The following KIF22 variants were observed in gnomAD, a reference collection of about 807,000 sequenced individuals.
The protein encoded by KIF22 is kinesin-like protein KIF22.
KIF22 carries 62 observed loss-of-function variants against 73.0 expected under a neutral mutation model. The observed-to-expected ratio is 0.85, with a 90% confidence interval of 0.69 to 1.05. KIF22 has a LOEUF of 1.05. Ranked by LOEUF, KIF22 falls within the 50% of genes least tolerant of loss-of-function variation. The pLI is 0.00. For synonymous variants in KIF22, 411 were observed against 340.1 expected (o/e 1.21, Z -2.29); for missense variants, 854 against 870.1 (o/e 0.98, Z 0.23).
At chr16:29,804,749 T>G (rs1899292733) in intron 11 of KIF22, 65 bp from the exon 12 acceptor site, 1 of 1,319,342 alleles carries the variant, frequency 7.6e-7, no homozygotes, top group Non-Finnish European at 1.1e-6. Context: ...GGGCTCCTAG[T>G]CTTGGCAGAG....
intron 1 of KIF22, chr16:29,792,455 AT>A: frequency 1.0e-6 from 1 of 972,176 alleles, no homozygotes; most frequent in Non-Finnish European, 1.2e-6. Context: ...CTAAATCTTA[AT>A]TTTTTTCAGC....
At chr16:29,792,796 G>C (rs1898851968) in intron 1 of KIF22, among the ~76,000 whole-genome samples, 1 of 152,196 alleles carries the variant, frequency 6.6e-6, no homozygotes, top group Admixed American at 6.5e-5. Context: ...AGAGAACTTG[G>C]AGTTTTGTAG....
At chr16:29,791,450 A>C in intron 1 of KIF22, 1 of 159,078 alleles carries the variant, frequency 6.3e-6, no homozygotes, top group Non-Finnish European at 1.3e-5. Flanking sequence ...TAGGACACCC[A>C]AAATCTTGTA....
In KIF22 at chr16:29,798,335, C is replaced by T; in HGVS notation, c.267-39C>T. The T allele has an allele frequency of 6.4e-7, 1 of 1,572,782 alleles. No homozygotes were observed. On this transcript the variant is annotated intron_variant, in intron 2 of 13. Coordinates refer to ENST00000160827, the MANE Select transcript of KIF22 (RefSeq NM_007317.3). The surrounding 1 kb of genome is among the most constrained non-coding windows in gnomAD (Gnocchi z 4.1). ...CCTTACACACACACACACACACACA[C>T]ACACACACACACGCTAATTTCTTTC...
rs781629576 is a variant in KIF22, at chr16:29,805,255, T to C, written c.1951-8T>C. 3.7e-6 allele frequency: 6 copies of C among 1,614,002 alleles called. No individual in the cohort carries two copies. The highest frequency in any genetic ancestry group is 1.7e-5 in the Admixed American group (1 of 60,002). ...AACGTCGCTGTCTCCCTCCCTCCTG[T>C]GTTGCAGGCAAACATCCTGGGTCTC... On this transcript the variant is annotated splice_polypyrimidine_tract_variant and splice_region_variant and intron_variant, in intron 13 of 13. Coordinates refer to ENST00000160827, the MANE Select transcript of KIF22 (RefSeq NM_007317.3).
chr16:29,793,800 C>T lies in KIF22; in HGVS notation c.70+2971C>T, dbSNP rs904253166. Among the ~76,000 whole-genome samples, 6 of 152,028 alleles carry T rather than the reference C, an allele frequency of 3.9e-5. No homozygotes were observed. In the East Asian group the frequency reaches 5.8e-4, roughly 15 times the overall value. ...AATGCTGGTCTAGAGAAAGGATAGA[C>T]GGATCCTAGGATGAGGAGTGAACAG... On this transcript the variant is annotated intron_variant, in intron 1 of 13. Coordinates refer to ENST00000160827, the MANE Select transcript of KIF22 (RefSeq NM_007317.3).
At chr16:29,804,253 A>G in intron 11 of KIF22, 188 bp downstream of exon 11, 1 of 632,714 alleles carries the variant, frequency 1.6e-6, no homozygotes, top group South Asian at 1.8e-5. Flanking sequence ...TTAGGGTGGA[A>G]GGCAGTGATG....
chr16:29,799,610 G>A lies in KIF22; in HGVS notation c.991-18G>A. On this transcript the variant is annotated intron_variant, in intron 6 of 13. Coordinates refer to ENST00000160827, the MANE Select transcript of KIF22 (RefSeq NM_007317.3). ...AGGCTGGGCTTCTGACCCACCCACT[G>A]CCTGGTCTCACCCTCAGGACTCTCT... 3 of 1,613,876 alleles carry A rather than the reference G, an allele frequency of 1.9e-6. No individual in the cohort carries two copies. The highest frequency in any genetic ancestry group is 2.5e-6 in the Non-Finnish European group (3 of 1,179,862).
At chr16:29,794,373 C>G (rs918629244) in intron 1 of KIF22, among the ~76,000 whole-genome samples, 1 of 152,188 alleles carries the variant, frequency 6.6e-6, no homozygotes, top group African/African-American at 2.4e-5. Context: ...CTTAATTACT[C>G]TCCTAACAAC....
intron 1 of KIF22, among the ~76,000 whole-genome samples, chr16:29,794,066 A>G (rs1342256943): frequency 1.3e-5 from 2 of 152,206 alleles, no homozygotes; most frequent in Non-Finnish European, 2.9e-5. Context: ...AGGACTGAGC[A>G]GTTGCTGCCA....
chr16:29,800,906 AC>A (rs1899115949), intron 8 of KIF22, among the ~76,000 whole-genome samples: 1 of 151,876 alleles, frequency 6.6e-6, no homozygotes, highest in Non-Finnish European at 1.5e-5. Flanking sequence ...CCATTTTCCA[AC>A]CCCTTTAGCC....
chr16:29,791,624 C>T (rs953564749), intron 1 of KIF22, among the ~76,000 whole-genome samples: 1 of 152,206 alleles, frequency 6.6e-6, no homozygotes, highest in African/African-American at 2.4e-5. Flanking sequence ...ATGTGCCAGG[C>T]ACAGTTGTAG....
At chr16:29,803,318 G>T in intron 9 of KIF22, 131 bp from the exon 10 acceptor site, 1 of 1,065,214 alleles carries the variant, frequency 9.4e-7, no homozygotes, top group East Asian at 2.5e-5. Flanking sequence ...CCTGTCTCCT[G>T]GTAACCTCCC....
chr16:29,803,414 G>T (rs377452444), intron 9 of KIF22, 35 bp from the exon 10 acceptor site: 901 of 1,610,766 alleles, frequency 5.6e-4, no homozygotes, highest in Non-Finnish European at 6.9e-4. Context: ...CCTGGAGTTG[G>T]GTCTGGATCA....
chr16:29,797,575 G>C lies in KIF22; in HGVS notation c.266+487G>C, dbSNP rs577653570. Among the ~76,000 whole-genome samples, 2 of 152,256 alleles carry C rather than the reference G, an allele frequency of 1.3e-5. No homozygotes were observed. The highest frequency in any genetic ancestry group is 4.8e-5 in the African/African-American group (2 of 41,524). ...AAACCATGGCCTGCAGGTCAAATCT[G>C]ATCAGGAGTAAGATTTTCAGTAAAT... On this transcript the variant is annotated intron_variant, in intron 2 of 13. Coordinates refer to ENST00000160827, the MANE Select transcript of KIF22 (RefSeq NM_007317.3). This position sits in a 1 kb window ranked among gnomAD's most constrained non-coding sequence, Gnocchi z 4.1.
intron 1 of KIF22, among the ~76,000 whole-genome samples, chr16:29,793,331 T>C (rs1898865587): frequency 6.6e-6 from 1 of 152,208 alleles, no homozygotes; most frequent in South Asian, 2.1e-4. Flanking sequence ...TCCCAGCTAT[T>C]CGGGAGGCTG....
chr16:29,790,932 C>T lies in KIF22; in HGVS notation c.70+103C>T, dbSNP rs1898796044. The T allele has an allele frequency of 2.6e-6, 4 of 1,516,108 alleles. No individual in the cohort carries two copies. The East Asian group carries it at 1.0e-4, about 38-fold the overall frequency. The allele number at this position is 1,516,108 out of a possible 1,614,324, so 93.9% of individuals were successfully genotyped here. A position where few individuals can be genotyped will look rare whatever the true frequency, so the allele number is the denominator to read the frequency against. ...GGCTCTGCGGGTTGTCGCGGAGAGG[C>T]GGCCATGGCGCAGGGGCGGGGAGAG... On this transcript the variant is annotated intron_variant, in intron 1 of 13. Coordinates refer to ENST00000160827, the MANE Select transcript of KIF22 (RefSeq NM_007317.3).
intron 1 of KIF22, among the ~76,000 whole-genome samples, chr16:29,796,304 C>G (rs1341577687): frequency 3.4e-5 from 5 of 148,802 alleles, no homozygotes; most frequent in East Asian, 2.0e-4. Context: ...CACACACACA[C>G]AGAAAATTCT....
intron 1 of KIF22, among the ~76,000 whole-genome samples, chr16:29,796,484 G>T (rs1429575564): frequency 6.6e-6 from 1 of 151,810 alleles, no homozygotes; most frequent in African/African-American, 2.4e-5. Context: ...TGAGGTAGGA[G>T]GATCGCTGGA....
Sources: allele counts gnomAD v4.1 joint callset (sites outside exome capture counted in the v4.1 genomes callset), GRCh38; gene constraint gnomAD v4.1.1; non-coding constraint Gnocchi (gnomAD v3.1); transcripts MANE v1.5; gene names NCBI Gene and HGNC (gene_info 2026-07-23, HGNC 2026-07-21).